Variants in TYSND1 observed in about 807,000 individuals in gnomAD.
TYSND1 encodes the protein trypsin like peroxisomal matrix peptidase 1.
TYSND1 carries 30 observed loss-of-function variants against 37.2 expected under a neutral mutation model. That is an observed-to-expected ratio of 0.81 (90% CI 0.60 to 1.09). The LOEUF (loss-of-function observed/expected upper bound fraction) is 1.09. Among genes scored for constraint, TYSND1 ranks in the 50% least tolerant of loss-of-function variants. The pLI is 0.00. For missense variants in TYSND1, 806 were observed against 817.4 expected (o/e 0.99, Z 0.17); for synonymous variants, 364 against 383.8 (o/e 0.95, Z 0.60).
At chr10:70,140,970 GTT>G (rs61034867) in intron 3 of TYSND1, among the ~76,000 whole-genome samples, 8 of 149,430 alleles carry the variant, frequency 5.4e-5, no homozygotes, top group South Asian at 2.1e-4. Context: ...TTTATTTACA[GTT>G]TTTTTTTTTG....
intron 1 of TYSND1, 47 bp downstream of exon 1, chr10:70,145,374 T>C: frequency 1.5e-6 from 2 of 1,359,608 alleles, no homozygotes; most frequent in African/African-American, 3.1e-5. Flanking sequence ...TGGACCCAGA[T>C]CTGAGACCTG....
Position 70,140,151 on chromosome 10 carries a change from A to T in TYSND1, c.1484-10T>A. The T allele has an allele frequency of 6.3e-7, 1 of 1,593,858 alleles. No individual in the cohort carries two copies. The highest frequency in any genetic ancestry group is 1.3e-5 in the African/African-American group (1 of 74,752). ...TTGCTGGTGATTATGCCTGTTGAGG[A>T]GTCAGAGAGCAAAAGAGGATGTGAG... On this transcript the variant is annotated splice_polypyrimidine_tract_variant and intron_variant, in intron 3 of 3. Coordinates refer to ENST00000287078, the MANE Select transcript of TYSND1 (RefSeq NM_173555.4).
At position 70,145,878 on chromosome 10, in the gene TYSND1, T is replaced by G. The variant is rs1393384473; in HGVS notation, c.709A>C (p.Thr237Pro). The G allele has an allele frequency of 3.8e-5, 59 of 1,545,940 alleles. No homozygotes were observed. Among genetic ancestry groups the G allele is most frequent in the Non-Finnish European group, 4.5e-5 (51 of 1,145,260 alleles). Residue 237 changes from threonine (T) to proline (P), a missense_variant, in exon 1 of 4, where the codon ACG becomes CCG. Coordinates refer to ENST00000287078, the MANE Select transcript of TYSND1 (RefSeq NM_173555.4). Reference sequence around the variant, plus strand: ...TTGCTGAGCACCCCGCAGCTCAGCGTGTTGAGAAAGATGTCGGGGCAGAAG... The same window carrying G: ...TTGCTGAGCACCCCGCAGCTCAGCGGGTTGAGAAAGATGTCGGGGCAGAAG... The part of the protein sequence containing the change: ...GAFCPDIFLN[T>P]LSCGVLSNVA...
rs1564559414 is a variant in TYSND1, at chr10:70,139,060, GC to G, written c.*863del. ...TGCAGTGAGCTGTGATCGCAACACT[GC>G]ACTCCAGCCTGGGTGAGAGAGCAAG... On this transcript the variant is annotated 3_prime_UTR_variant, in exon 4 of 4. Transcript: ENST00000287078. The G allele has an allele frequency of 6.9e-6, 1 of 145,306 alleles. No homozygotes were observed. Among genetic ancestry groups the G allele is most frequent in the Admixed American group, 7.1e-5 (1 of 14,174 alleles). 9.0% of individuals were successfully genotyped at this position (145,306 alleles called of 1,614,324 possible).
In TYSND1 at chr10:70,145,401, C is replaced by T. The variant is rs1166630630; in HGVS notation, c.1166+20G>A. On this transcript the variant is annotated intron_variant, in intron 1 of 3. Transcript: ENST00000287078. ...TGAGACCTGGAAAGGGATGAAGTGG[C>T]GTCAGCCCTGCGGGCTTACTTGGGG... 2.9e-6 allele frequency: 4 copies of T among 1,394,790 alleles called. No individual in the cohort carries two copies. Among genetic ancestry groups the T allele is most frequent in the East Asian group, 2.9e-5 (1 of 34,462 alleles). 86.4% of individuals were successfully genotyped at this position (1,394,790 alleles called of 1,614,324 possible).
intron 1 of TYSND1, chr10:70,144,371 G>T: frequency 1.2e-6 from 1 of 806,406 alleles, no homozygotes; most frequent in Non-Finnish European, 1.5e-6. Context: ...AGTGGGAGGA[G>T]CCAAGGCAAA....
In TYSND1 at chr10:70,139,935, T is replaced by C. The variant is rs750906539; in HGVS notation, c.1690A>G (p.Ser564Gly). 5.0e-6 allele frequency: 8 copies of C among 1,612,568 alleles called. No individual in the cohort carries two copies. Among genetic ancestry groups the C allele is most frequent in the Non-Finnish European group, 6.8e-6 (8 of 1,179,488 alleles). The change falls in exon 4 of 4, where the codon AGC becomes GGC. Residue 564 changes from serine to glycine, a missense_variant. Transcript: ENST00000287078. ...LQRPLAEAPRSKL is the reference protein window; with the variant it reads ...LQRPLAEAPRGKL Reference sequence around the variant, plus strand: ...GTGGTAACACAGCCTCAGAGCTTGCTCCGCGGGGCCTCTGCCAGGGGCCGC... The same window carrying C: ...GTGGTAACACAGCCTCAGAGCTTGCCCCGCGGGGCCTCTGCCAGGGGCCGC...
rs751972246 is a variant in TYSND1 at position 70,140,072 on chromosome 10, G to A, written c.1553C>T (p.Pro518Leu). 1 of 1,614,110 alleles carries A rather than the reference G, an allele frequency of 6.2e-7. No homozygotes were observed. Among genetic ancestry groups the A allele is most frequent in the Admixed American group, 1.7e-5 (1 of 60,022 alleles). The change falls in exon 4 of 4, where the codon CCC becomes CTC. Residue 518 changes from proline (P) to leucine (L), a missense_variant. Around this residue, in one of 3 missense-constraint regions of TYSND1, gnomAD observed 708 missense variants for 705.4 expected, o/e 1.00. Coordinates refer to ENST00000287078, the MANE Select transcript of TYSND1 (RefSeq NM_173555.4). Reference protein sequence around the residue: ...ATYPHLNFSIPITVLQPALQQ... With the variant: ...ATYPHLNFSILITVLQPALQQ... Reference sequence around the variant, plus strand: ...CAGGGCCGGCTGGAGCACCGTGATGGGAATGCTGAAGTTCAGGTGGGGGTA... The same window carrying A: ...CAGGGCCGGCTGGAGCACCGTGATGAGAATGCTGAAGTTCAGGTGGGGGTA...
At chr10:70,140,726 A>G (rs1238903990) in intron 3 of TYSND1, among the ~76,000 whole-genome samples, 3 of 152,228 alleles carry the variant, frequency 2.0e-5, no homozygotes, top group Non-Finnish European at 4.4e-5. Context: ...AATATTTATC[A>G]AAACCAAAAC....
In TYSND1 at chr10:70,138,378, A is replaced by C. The variant is rs2072702131; in HGVS notation, c.*1546T>G. ...GTTACGAGTCAGGAATGCTGGATGA[A>C]AACCAATATATATCATAACACCACA... On this transcript the variant is annotated 3_prime_UTR_variant, in exon 4 of 4. Coordinates refer to ENST00000287078, the MANE Select transcript of TYSND1 (RefSeq NM_173555.4). 6.6e-6 allele frequency: 1 copy of C among 152,266 alleles called. No individual in the cohort carries two copies. The highest frequency in any genetic ancestry group is 1.5e-5 in the Non-Finnish European group (1 of 68,064). 9.4% of individuals were successfully genotyped at this position (152,266 alleles called of 1,614,324 possible).
chr10:70,144,568 G>A (rs755980776), intron 1 of TYSND1: 38 of 986,970 alleles, frequency 3.9e-5, no homozygotes, highest in Middle Eastern at 5.2e-4. Flanking sequence ...AGCTTAGACA[G>A]GTTAAGTGAC....
Position 70,145,986 on chromosome 10 carries a change from G to C in TYSND1, c.601C>G (p.Arg201Gly). 1 of 1,576,040 alleles carries C rather than the reference G, an allele frequency of 6.3e-7. No homozygotes were observed. The highest frequency in any genetic ancestry group is 8.6e-7 in the Non-Finnish European group (1 of 1,162,400). Residue 201 changes from arginine to glycine, a missense_variant, in exon 1 of 4, where the codon CGC (arginine) becomes GGC (glycine). Arg to Gly is a moderately radical substitution (Grantham distance 125). Around this residue, in one of 3 missense-constraint regions of TYSND1, gnomAD observed 708 missense variants for 705.4 expected, o/e 1.00. Coordinates refer to ENST00000287078, the MANE Select transcript of TYSND1 (RefSeq NM_173555.4). Reference protein sequence around the residue: ...RLGQEEVEEERGPAMAVSPLG... With the variant: ...RLGQEEVEEEGGPAMAVSPLG... ...GGCGACACCGCCATGGCTGGCCCGC[G>C]CTCCTCCTCCACCTCCTCCTGGCCT...
At chr10:70,140,421 G>A (rs928170766) in intron 3 of TYSND1, among the ~76,000 whole-genome samples, 1 of 152,102 alleles carries the variant, frequency 6.6e-6, no homozygotes, top group South Asian at 2.1e-4. Flanking sequence ...CTCCATAAGG[G>A]CAGGACTTTG....
At chr10:70,144,002 A>G (rs372019100) in intron 1 of TYSND1, 30 bp from the exon 2 acceptor site, 18 of 1,613,476 alleles carry the variant, frequency 1.1e-5, no homozygotes, top group South Asian at 4.4e-5. Context: ...ATGACAGGCT[A>G]GCTTTCTGAC....
In TYSND1 at chr10:70,138,220, A is replaced by G. The variant is rs2136678202; in HGVS notation, c.*1704T>C. 6.6e-6 allele frequency: 1 copy of G among 152,280 alleles called. No individual in the cohort carries two copies. Among genetic ancestry groups the G allele is most frequent in the African/African-American group, 2.4e-5 (1 of 41,536 alleles). 9.4% of individuals were successfully genotyped at this position (152,280 alleles called of 1,614,324 possible). The stretch of plus-strand genomic sequence containing the variant: ...CTTCCCCTAGGATTGAGACCCTCTC[A>G]TGGGAAGGTCTTTAGGACCCACTGT... On this transcript the variant is annotated 3_prime_UTR_variant, in exon 4 of 4. Transcript: ENST00000287078.
At chr10:70,142,472 A>G (rs1267301792) in intron 3 of TYSND1, among the ~76,000 whole-genome samples, 196 bp downstream of exon 3, 2 of 152,252 alleles carry the variant, frequency 1.3e-5, no homozygotes, top group African/African-American at 2.4e-5. Context: ...ACCAGAGCCC[A>G]GATCTCTTTC....
rs1158576168 is a variant in TYSND1, at chr10:70,139,144, G to A, written c.*780C>T. 1.3e-5 allele frequency: 2 copies of A among 151,612 alleles called. No homozygotes were observed. Among genetic ancestry groups the A allele is most frequent in the African/African-American group, 4.9e-5 (2 of 41,182 alleles). 9.4% of individuals were successfully genotyped at this position (151,612 alleles called of 1,614,324 possible). On this transcript the variant is annotated 3_prime_UTR_variant, in exon 4 of 4. Transcript: ENST00000287078. Reference sequence around the variant, plus strand: ...AGGAAAGGGTGTGTTTCTTTGCCTGGTACTTGCCTATTCCCAGTTCAACTC... The same window carrying A: ...AGGAAAGGGTGTGTTTCTTTGCCTGATACTTGCCTATTCCCAGTTCAACTC...
rs767423683 is a variant in TYSND1, at chr10:70,146,231, G to C, written c.356C>G (p.Ala119Gly). 4.5e-5 allele frequency: 68 copies of C among 1,497,228 alleles called. No homozygotes were observed. The African/African-American group carries it at 8.2e-4, about 18-fold the overall frequency. The allele number at this position is 1,497,228 out of a possible 1,614,324, so 92.7% of individuals were successfully genotyped here. Residue 119 changes from alanine (A) to glycine (G), a missense_variant, in exon 1 of 4, where the codon GCC (alanine) becomes GGC (glycine). Around this residue, in one of 3 missense-constraint regions of TYSND1, gnomAD observed 708 missense variants for 705.4 expected, o/e 1.00. Transcript: ENST00000287078. ...CTGCAGGGGACGCCCGCGGGACGGG[G>C]CAGGTGGGCCGGGCTCGAGGCTCGC... ...QCASLEPGPP[A>G]PSRGRPLQPR...
chr10:70,140,547 G>T (rs901064589), intron 3 of TYSND1, among the ~76,000 whole-genome samples: 5 of 95,430 alleles, frequency 5.2e-5, no homozygotes, highest in Admixed American at 1.1e-4. Context: ...ATGAATGAAT[G>T]AATGAATCAG....
Sources: gnomAD v4.1 joint callset for allele counts (sites outside exome capture counted in the v4.1 genomes callset) on GRCh38, gnomAD v4.1.1 for gene constraint, gnomAD v4.1.1 regional missense constraint, MANE v1.5 for transcripts, NCBI Gene and HGNC (gene_info 2026-07-23, HGNC 2026-07-21) for gene names.